MYC: variants seen among roughly 807,000 people sequenced by gnomAD.
The protein encoded by MYC is myc proto-oncogene protein.
MYC carries 1 observed loss-of-function variant against 30.5 expected under a neutral mutation model. The observed-to-expected ratio is 0.03, with a 90% CI of 0.01 to 0.16. The LOEUF is 0.16. MYC is among the 10% of genes least tolerant of loss of function. The pLI, the probability that MYC is intolerant of heterozygous loss-of-function variation, is 1.00. For missense variants in MYC, 508 were observed against 589.0 expected (o/e 0.86, Z 1.42); for synonymous variants, 267 against 250.7 (o/e 1.07, Z -0.62).
upstream of MYC, chr8:127,735,519 T>G (rs1813565868): frequency 2.5e-6 from 1 of 399,206 alleles, no homozygotes; most frequent in Non-Finnish European, 4.4e-6. Flanking sequence ...GTTTTCCTCC[T>G]TATGCCTCTA....
Position 127,741,797 on chromosome 8 carries a change from TC to T in MYC, c.*843del, listed in dbSNP as rs1248752892. On this transcript the variant is annotated 3_prime_UTR_variant, in exon 3 of 3. Coordinates refer to ENST00000621592, the MANE Select transcript of MYC (RefSeq NM_002467.6). ...TGTTACTTTAGTTAACCAGTGCCAG[TC>T]CCCTGCTCACTCCAAACCCAGGAAT... is the stretch of plus-strand genomic sequence containing the variant. Among the ~76,000 whole-genome samples, 1 of 152,098 alleles carries T rather than the reference TC, an allele frequency of 6.6e-6. No individual in the cohort carries two copies. Among genetic ancestry groups the T allele is most frequent in the African/African-American group, 2.4e-5 (1 of 41,410 alleles).
chr8:127,738,746 C>A lies in MYC; in HGVS notation c.529C>A (p.Pro177Thr), dbSNP rs1458778798. The A allele has an allele frequency of 6.2e-7, 1 of 1,612,328 alleles. No individual in the cohort carries two copies. The highest frequency in any genetic ancestry group is 1.1e-5 in the South Asian group (1 of 90,902). Residue 177 changes from proline (P) to threonine (T), a missense_variant, in exon 2 of 3, where the codon CCG becomes ACG. Physicochemically the swap from Pro to Thr is conservative, Grantham distance 38. This residue lies in a region of MYC where 364 missense variants were observed against 381.1 expected (regional missense o/e 0.96). Coordinates refer to ENST00000621592, the MANE Select transcript of MYC (RefSeq NM_002467.6). The surrounding 1 kb of genome is among the most constrained non-coding windows in gnomAD (Gnocchi z 7.6). ...GGCTGCGCGCAAAGACAGCGGCAGC[C>A]CGAACCCCGCCCGCGGCCACAGCGT... is the stretch of plus-strand genomic sequence containing the variant.
chr8:127,738,963 GC>G lies in MYC; in HGVS notation c.750del (p.Glu251SerfsTer98). The G allele has an allele frequency of 6.4e-7, 1 of 1,568,536 alleles. No homozygotes were observed. Among genetic ancestry groups the G allele is most frequent in the Non-Finnish European group, 8.6e-7 (1 of 1,165,832 alleles). ...TCGACGGAGTCCTCCCCGCAGGGCAGCCCCGAGCCCCTGGTGCTCCATGAGG... is the reference window on the plus strand; with the variant it reads ...TCGACGGAGTCCTCCCCGCAGGGCAGCCCGAGCCCCTGGTGCTCCATGAGG... On this transcript the variant is annotated frameshift_variant, in exon 2 of 3. Coordinates refer to ENST00000621592, the MANE Select transcript of MYC (RefSeq NM_002467.6). LOFTEE classifies it high-confidence loss of function. This position sits in a 1 kb window ranked among gnomAD's most constrained non-coding sequence, Gnocchi z 7.6.
At chr8:127,735,885 C>T (rs1338884615), upstream of MYC, 1 of 398,940 alleles carries the variant, frequency 2.5e-6, no homozygotes, top group Non-Finnish European at 4.4e-6. Context: ...TGTTTACATC[C>T]TAGAGCTAGA....
chr8:127,738,980 C>T lies in MYC; in HGVS notation c.763C>T (p.Leu255Phe), dbSNP rs757183481. 6.5e-7 allele frequency: 1 copy of T among 1,546,554 alleles called. No homozygotes were observed. The highest frequency in any genetic ancestry group is 8.7e-7 in the Non-Finnish European group (1 of 1,154,654). ...GCAGGGCAGCCCCGAGCCCCTGGTG[C>T]TCCATGAGGAGACACCGCCCACCAC... Residue 255 changes from leucine to phenylalanine, a missense_variant, in exon 2 of 3, where the codon CTC (leucine) becomes TTC (phenylalanine). Physicochemically the swap from Leu to Phe is conservative, Grantham distance 22. Around this residue, in one of 5 missense-constraint regions of MYC, gnomAD observed 364 missense variants for 381.1 expected, o/e 0.96. Coordinates refer to ENST00000621592, the MANE Select transcript of MYC (RefSeq NM_002467.6). This position sits in a 1 kb window ranked among gnomAD's most constrained non-coding sequence, Gnocchi z 7.6.
At chr8:127,736,699 T>C (rs1813597497) in intron 1 of MYC, 76 bp downstream of exon 1, 3 of 1,494,948 alleles carry the variant, frequency 2.0e-6, no homozygotes, top group Non-Finnish European at 2.8e-6. Flanking sequence ...AATGCCTAAA[T>C]AGGGTGTCTT....
chr8:127,736,752 A>T, intron 1 of MYC, 129 bp downstream of exon 1: 22 of 999,858 alleles, frequency 2.2e-5, no homozygotes, highest in Non-Finnish European at 3.1e-5. Context: ...CAGAGTAGTT[A>T]TGGTAACTGG....
At chr8:127,736,794 C>G (rs4645950) in intron 1 of MYC, among the ~76,000 whole-genome samples, 171 bp downstream of exon 1, 2,075 of 151,976 alleles carry the variant, frequency 0.014, 21 homozygotes, top group Non-Finnish European at 0.022. Flanking sequence ...AGAACTGGAT[C>G]GGGGTAAAGT....
chr8:127,736,724 C>A (rs1351391340), intron 1 of MYC, 101 bp downstream of exon 1: 3 of 1,317,390 alleles, frequency 2.3e-6, no homozygotes, highest in Admixed American at 1.9e-5. Flanking sequence ...CCCATTCCTG[C>A]GCTATTGACA....
rs1010765105 is a variant in MYC at position 127,742,476 on chromosome 8, C to T, written c.*1518C>T. ...CTAAGCCTGGTCAGGCATCAGTTCCCCTTTTTTTGTGATTTATTTTGTTTT... is the reference window on the plus strand; with the variant it reads ...CTAAGCCTGGTCAGGCATCAGTTCCTCTTTTTTTGTGATTTATTTTGTTTT... On this transcript the variant is annotated 3_prime_UTR_variant, in exon 3 of 3. Coordinates refer to ENST00000621592, the MANE Select transcript of MYC (RefSeq NM_002467.6). 1.2e-4 allele frequency among the ~76,000 whole-genome samples: 18 copies of T among 152,132 alleles called. No homozygotes were observed. The highest frequency in any genetic ancestry group is 2.6e-4 in the Admixed American group (4 of 15,270).
intron 1 of MYC, among the ~76,000 whole-genome samples, chr8:127,737,463 C>G (rs956868179): frequency 6.6e-6 from 1 of 152,150 alleles, no homozygotes; most frequent in Admixed American, 6.5e-5. Flanking sequence ...TCCAGAACAG[C>G]TGCTACCCTT....
chr8:127,736,000 G>T, upstream of MYC: 1 of 160,538 alleles, frequency 6.2e-6, no homozygotes, highest in East Asian at 1.3e-4. Flanking sequence ...TGGGGGAAAA[G>T]AAAAAAGATC....
At position 127,738,959 on chromosome 8, in the gene MYC, G is replaced by A; in HGVS notation, c.742G>A (p.Gly248Ser). Residue 248 changes from glycine to serine, a missense_variant, in exon 2 of 3, where the codon GGC becomes AGC. This residue lies in a region of MYC where 364 missense variants were observed against 381.1 expected (regional missense o/e 0.96). Transcript: ENST00000621592. This position sits in a 1 kb window ranked among gnomAD's most constrained non-coding sequence, Gnocchi z 7.6. ...CTCCTCGACGGAGTCCTCCCCGCAGGGCAGCCCCGAGCCCCTGGTGCTCCA... is the reference window on the plus strand; with the variant it reads ...CTCCTCGACGGAGTCCTCCCCGCAGAGCAGCCCCGAGCCCCTGGTGCTCCA... 1 of 1,579,130 alleles carries A rather than the reference G, an allele frequency of 6.3e-7. No individual in the cohort carries two copies. The highest frequency in any genetic ancestry group is 1.3e-5 in the African/African-American group (1 of 74,118).
chr8:127,736,926 T>A (rs1010835786), intron 1 of MYC, among the ~76,000 whole-genome samples: 2 of 152,210 alleles, frequency 1.3e-5, no homozygotes, highest in Non-Finnish European at 2.9e-5. Flanking sequence ...CGGACATTCC[T>A]GCTTTATTGT....
At position 127,741,907 on chromosome 8, in the gene MYC, G is replaced by C. The variant is rs775305295; in HGVS notation, c.*949G>C. Among the ~76,000 whole-genome samples, 1 of 152,128 alleles carries C rather than the reference G, an allele frequency of 6.6e-6. No homozygotes were observed. Among genetic ancestry groups the C allele is most frequent in the Non-Finnish European group, 1.5e-5 (1 of 68,026 alleles). On this transcript the variant is annotated 3_prime_UTR_variant, in exon 3 of 3. Transcript: ENST00000621592. ...GCCAGTCCTGTCCATGGGTTATCTC[G>C]CAAACCCCAGAGGATCTCTGGGAGG...
chr8:127,739,437 T>G (rs1303829945), intron 2 of MYC, among the ~76,000 whole-genome samples: 2 of 152,096 alleles, frequency 1.3e-5, no homozygotes, highest in Non-Finnish European at 2.9e-5. Context: ...AGTGGTGGGA[T>G]TTAATGAACT....
At chr8:127,737,576 C>T (rs1382337509) in intron 1 of MYC, among the ~76,000 whole-genome samples, 1 of 152,102 alleles carries the variant, frequency 6.6e-6, no homozygotes, top group Non-Finnish European at 1.5e-5. Context: ...TTGACACCCC[C>T]CTTGTATTTA....
intron 2 of MYC, among the ~76,000 whole-genome samples, chr8:127,739,692 G>A (rs193067463): frequency 7.8e-4 from 119 of 151,694 alleles, no homozygotes; most frequent in African/African-American, 2.9e-3. Flanking sequence ...CAGTAAAATA[G>A]GGAGTTGCTA....
In MYC at chr8:127,738,820, A is replaced by G. The variant is rs1167847011; in HGVS notation, c.603A>G (p.Ser201=). Residue 201 remains serine, a synonymous_variant, in exon 2 of 3, where the codon TCA becomes TCG. Coordinates refer to ENST00000621592, the MANE Select transcript of MYC (RefSeq NM_002467.6). The surrounding 1 kb of genome is among the most constrained non-coding windows in gnomAD (Gnocchi z 7.6). ...TGCAGGATCTGAGCGCCGCCGCCTC[A>G]GAGTGCATCGACCCCTCGGTGGTCT... is the stretch of plus-strand genomic sequence containing the variant. The G allele has an allele frequency of 1.9e-6, 3 of 1,610,578 alleles. No individual in the cohort carries two copies. The highest frequency in any genetic ancestry group is 1.7e-6 in the Non-Finnish European group (2 of 1,178,376).
Sources: gnomAD v4.1 joint callset for allele counts (sites outside exome capture counted in the v4.1 genomes callset) on GRCh38, gnomAD v4.1.1 for gene constraint, gnomAD v4.1.1 regional missense constraint, Gnocchi (gnomAD v3.1) non-coding constraint, MANE v1.5 for transcripts, NCBI Gene and HGNC (gene_info 2026-07-23, HGNC 2026-07-21) for gene names.